Variants in ZBTB44 observed in about 807,000 individuals in gnomAD.
ZBTB44 encodes the protein zinc finger and BTB domain-containing protein 44.
Under a neutral mutation model 54.0 loss-of-function variants are expected in ZBTB44, and 15 were observed. The ratio of observed to expected loss-of-function variants is 0.28; its 90% CI spans 0.19 to 0.43. The LOEUF is 0.43. Among genes scored for constraint, ZBTB44 ranks in the 20% least tolerant of loss-of-function variants. The probability of loss-of-function intolerance (pLI) is 1.00; values close to 1 mark genes in which losing one functional copy is unlikely to be tolerated. For missense variants in ZBTB44, 487 were observed against 707.1 expected (o/e 0.69, Z 3.53); for synonymous variants, 230 against 250.1 (o/e 0.92, Z 0.76).
chr11:130,244,475 G>A (rs540012916), intron 2 of ZBTB44, among the ~76,000 whole-genome samples: 2 of 152,180 alleles, frequency 1.3e-5, no homozygotes, highest in African/African-American at 4.8e-5. Context: ...AGACCATCCT[G>A]GCTAACACGG....
intron 1 of ZBTB44, chr11:130,285,959 T>C (rs928878676): frequency 1.3e-5 from 2 of 150,956 alleles, no homozygotes; most frequent in African/African-American, 5.0e-5. Context: ...AGAAAACTTG[T>C]TTCTATAAAG....
At chr11:130,272,655 G>A (rs1002213393) in intron 1 of ZBTB44, among the ~76,000 whole-genome samples, 1 of 150,040 alleles carries the variant, frequency 6.7e-6, no homozygotes, top group African/African-American at 2.5e-5. Flanking sequence ...CAAATTCCTT[G>A]CCAAATACAA....
chr11:130,284,650 C>T (rs189804034), intron 1 of ZBTB44, among the ~76,000 whole-genome samples: 2 of 152,156 alleles, frequency 1.3e-5, no homozygotes, highest in East Asian at 1.9e-4. Flanking sequence ...GGGTGGATCA[C>T]GAGGTCAGGA....
rs921694728 is a variant in ZBTB44, at chr11:130,285,589, G to T, written c.-56-23660C>A. 6 of 228,746 alleles carry T rather than the reference G, an allele frequency of 2.6e-5. No individual in the cohort carries two copies. In the East Asian group the frequency reaches 6.3e-4, roughly 24 times the overall value. 14.2% of individuals were successfully genotyped at this position (228,746 alleles called of 1,614,324 possible). A position where few individuals can be genotyped will look rare whatever the true frequency, so the allele number is the denominator to read the frequency against. On this transcript the variant is annotated intron_variant, in intron 1 of 7. Transcript: ENST00000357899. ...TTACAGGCGTGAGCCACCACACCCA[G>T]CCTCTTTTTTGTTCTTCTGATCTAA...
At chr11:130,264,072 C>T (rs1422982025) in intron 1 of ZBTB44, among the ~76,000 whole-genome samples, 1 of 152,178 alleles carries the variant, frequency 6.6e-6, no homozygotes, top group Non-Finnish European at 1.5e-5. Context: ...GCTATTTTTA[C>T]CTGTGTCACC....
At chr11:130,265,646 C>T (rs772596663) in intron 1 of ZBTB44, among the ~76,000 whole-genome samples, 7 of 152,220 alleles carry the variant, frequency 4.6e-5, no homozygotes, top group Non-Finnish European at 8.8e-5. Context: ...CCAGTGCACA[C>T]ACAAATGATG....
chr11:130,311,327 G>T (rs1350089762), intron 1 of ZBTB44, among the ~76,000 whole-genome samples: 1 of 152,082 alleles, frequency 6.6e-6, no homozygotes, highest in African/African-American at 2.4e-5. Flanking sequence ...ACCTGCTTCA[G>T]CCTCCTGAGC....
At chr11:130,255,259 A>T (rs549611163) in intron 2 of ZBTB44, among the ~76,000 whole-genome samples, 13 of 152,296 alleles carry the variant, frequency 8.5e-5, no homozygotes, top group Non-Finnish European at 1.8e-4. Flanking sequence ...ACTCATTCAA[A>T]ACTGCACAAC....
At chr11:130,235,929 C>T (rs1345590667) in intron 5 of ZBTB44, among the ~76,000 whole-genome samples, 1 of 150,016 alleles carries the variant, frequency 6.7e-6, no homozygotes, top group Non-Finnish European at 1.5e-5. Context: ...GAAATCGTGC[C>T]ACTGCATTCC....
chr11:130,289,439 A>C (rs2134346208), intron 1 of ZBTB44, among the ~76,000 whole-genome samples: 1 of 151,002 alleles, frequency 6.6e-6, no homozygotes, highest in East Asian at 1.9e-4. Context: ...CCGAGATCCC[A>C]CTGCACTTCC....
intron 2 of ZBTB44, among the ~76,000 whole-genome samples, chr11:130,248,647 C>A (rs1336476044): frequency 6.6e-6 from 1 of 151,834 alleles, no homozygotes; most frequent in Non-Finnish European, 1.5e-5. Context: ...GCTCAAAAAA[C>A]CACAAAAACA....
At chr11:130,272,125 G>C (rs1255512900) in intron 1 of ZBTB44, among the ~76,000 whole-genome samples, 1 of 151,306 alleles carries the variant, frequency 6.6e-6, no homozygotes, top group African/African-American at 2.4e-5. Flanking sequence ...CCAGCTGCTC[G>C]GGAGGCTGAG....
chr11:130,289,684 TTTG>T (rs1386951722), intron 1 of ZBTB44, among the ~76,000 whole-genome samples: 1 of 152,064 alleles, frequency 6.6e-6, no homozygotes, highest in African/African-American at 2.4e-5. Context: ...TGGGGATCGT[TTTG>T]TTACCATAGG....
At chr11:130,295,630 T>G in intron 1 of ZBTB44, 2 of 769,296 alleles carry the variant, frequency 2.6e-6, no homozygotes, top group South Asian at 3.5e-5. Flanking sequence ...ACTCTGAAGT[T>G]AAAAAAAAAA....
intron 1 of ZBTB44, among the ~76,000 whole-genome samples, chr11:130,305,082 C>T (rs1942193811): frequency 6.6e-6 from 1 of 152,112 alleles, no homozygotes; most frequent in Non-Finnish European, 1.5e-5. Flanking sequence ...AGGAAGACTA[C>T]AAAACACTGT....
intron 1 of ZBTB44, among the ~76,000 whole-genome samples, chr11:130,311,428 T>C (rs1044850144): frequency 1.3e-5 from 2 of 152,004 alleles, no homozygotes; most frequent in Non-Finnish European, 2.9e-5. Flanking sequence ...AGGCTGGCCT[T>C]GAACTCCTGG....
chr11:130,269,806 A>G (rs1039496349), intron 1 of ZBTB44, among the ~76,000 whole-genome samples: 3 of 152,186 alleles, frequency 2.0e-5, no homozygotes, highest in African/African-American at 7.2e-5. Context: ...TCTCATCTGA[A>G]AAACAGGAAT....
chr11:130,297,226 T>G (rs1411597362), intron 1 of ZBTB44, among the ~76,000 whole-genome samples: 1 of 152,222 alleles, frequency 6.6e-6, no homozygotes, highest in African/African-American at 2.4e-5. Context: ...TTTTTATTTT[T>G]GGGATATAAA....
intron 1 of ZBTB44, among the ~76,000 whole-genome samples, chr11:130,297,926 A>AT (rs755542024): frequency 6.6e-6 from 1 of 152,236 alleles, no homozygotes; most frequent in Non-Finnish European, 1.5e-5. Context: ...TATGTTTTTT[A>AT]TAAGAAACAC....
Sources: allele counts gnomAD v4.1 joint callset (sites outside exome capture counted in the v4.1 genomes callset), GRCh38; gene constraint gnomAD v4.1.1; transcripts MANE v1.5; gene names NCBI Gene and HGNC (gene_info 2026-07-23, HGNC 2026-07-21).